Variants in TTC4 observed in about 807,000 individuals in gnomAD.
TTC4 encodes tetratricopeptide repeat domain 4, also known as hsp70/Hsp90 co-chaperone CNS1 homolog.
TTC4 carries 36 observed loss-of-function variants against 51.9 expected under a neutral mutation model. The observed-to-expected ratio is 0.69, with a 90% CI of 0.53 to 0.92. The LOEUF (loss-of-function observed/expected upper bound fraction) is 0.92. Ranked by LOEUF, TTC4 falls within the 40% of genes least tolerant of loss-of-function variation. The pLI, the probability that TTC4 is intolerant of heterozygous loss-of-function variation, is 0.00. For synonymous variants in TTC4, 144 were observed against 164.2 expected (o/e 0.88, Z 0.94); for missense variants, 399 against 454.6 (o/e 0.88, Z 1.11).
chr1:54,728,481 C>G (rs770766430), intron 6 of TTC4, 49 bp downstream of exon 6: 2 of 1,539,208 alleles, frequency 1.3e-6, no homozygotes, highest in South Asian at 2.3e-5. Flanking sequence ...ATCCACTAAT[C>G]CTGTGAAGCT....
chr1:54,741,294 T>C, intron 9 of TTC4, 117 bp from the exon 10 acceptor site: 1 of 877,246 alleles, frequency 1.1e-6, no homozygotes, highest in Non-Finnish European at 2.0e-6. Context: ...TGTGCTAAAC[T>C]TGCATTTTCA....
In TTC4 at chr1:54,722,817, A is replaced by G. The variant is rs368283617; in HGVS notation, c.594+18A>G. Reference sequence around the variant, plus strand: ...AGCTGAAGGTTGGTGACTGTCAGCAACCAATTAGCATTTGCTAATTAGCAG... The same window carrying G: ...AGCTGAAGGTTGGTGACTGTCAGCAGCCAATTAGCATTTGCTAATTAGCAG... On this transcript the variant is annotated intron_variant, in intron 5 of 9. Transcript: ENST00000371281. 1.2e-6 allele frequency: 2 copies of G among 1,610,614 alleles called. No individual in the cohort carries two copies. The highest frequency in any genetic ancestry group is 1.7e-6 in the Non-Finnish European group (2 of 1,179,140).
chr1:54,739,573 C>G (rs1166540132), intron 9 of TTC4, among the ~76,000 whole-genome samples: 3 of 152,342 alleles, frequency 2.0e-5, no homozygotes, highest in East Asian at 3.9e-4. Flanking sequence ...TTGGATTTGG[C>G]AGTTGTCTCA....
intron 3 of TTC4, among the ~76,000 whole-genome samples, chr1:54,719,740 GT>G (rs1003882890): frequency 2.6e-5 from 4 of 152,026 alleles, no homozygotes; most frequent in Non-Finnish European, 5.9e-5. Context: ...TATATAGACT[GT>G]TTTTTGGTTT....
intron 5 of TTC4, among the ~76,000 whole-genome samples, chr1:54,727,666 A>G (rs902295086): frequency 6.7e-6 from 1 of 150,220 alleles, no homozygotes; most frequent in African/African-American, 2.5e-5. Flanking sequence ...AACCTGGGCA[A>G]CAAAGTGAGA....
chr1:54,736,218 GAGAGAA>G (rs1645935867), intron 8 of TTC4, among the ~76,000 whole-genome samples: 3 of 133,768 alleles, frequency 2.2e-5, no homozygotes, highest in Admixed American at 7.3e-5. Flanking sequence ...GAGAGAGAGA[GAGAGAA>G]GAGGAGAGGA....
chr1:54,732,326 AAAAAAAAAAT>A (rs1020498627), intron 7 of TTC4, among the ~76,000 whole-genome samples: 7 of 143,750 alleles, frequency 4.9e-5, no homozygotes, highest in African/African-American at 1.8e-4. Flanking sequence ...GTCTCAAAAA[AAAAAAAAAAT>A]AAAAAAGAGA....
intron 8 of TTC4, 110 bp downstream of exon 8, chr1:54,733,820 A>AAT: frequency 1.5e-6 from 1 of 684,936 alleles, no homozygotes; most frequent in Non-Finnish European, 2.4e-6. Context: ...ATTATAGTAA[A>AAT]ATATACATGA....
At position 54,741,585 on chromosome 1, in the gene TTC4, A is replaced by ATT; in HGVS notation, c.*72_*73insTT. On this transcript the variant is annotated 3_prime_UTR_variant, in exon 10 of 10. Coordinates refer to ENST00000371281, the MANE Select transcript of TTC4 (RefSeq NM_004623.5). ...AACCTAGCACACCTGAATCAGCTGG[A>ATT]CATACTGCTGGAGTCCAGTGCTTTC... 1.6e-6 allele frequency: 2 copies of ATT among 1,269,208 alleles called. No individual in the cohort carries two copies. Among genetic ancestry groups the ATT allele is most frequent in the Non-Finnish European group, 2.3e-6 (2 of 869,312 alleles). 78.6% of individuals were successfully genotyped at this position (1,269,208 alleles called of 1,614,324 possible). A position where few individuals can be genotyped will look rare whatever the true frequency, so the allele number is the denominator to read the frequency against.
chr1:54,739,605 G>A (rs990440497), intron 9 of TTC4, among the ~76,000 whole-genome samples: 8 of 152,334 alleles, frequency 5.3e-5, no homozygotes, highest in African/African-American at 1.9e-4. Flanking sequence ...AGGTGTTCCT[G>A]GACTATAAGG....
chr1:54,733,452 T>C (rs540928297), intron 7 of TTC4, among the ~76,000 whole-genome samples, 177 bp from the exon 8 acceptor site: 9 of 151,794 alleles, frequency 5.9e-5, no homozygotes, highest in Non-Finnish European at 1.3e-4. Context: ...AAAATAAAAT[T>C]ATGTCATAAT....
At chr1:54,717,440 A>G (rs1645689616) in intron 2 of TTC4, 52 bp from the exon 3 acceptor site, 19 of 1,411,928 alleles carry the variant, frequency 1.3e-5, no homozygotes, top group Non-Finnish European at 1.8e-5. Flanking sequence ...TCTATTTTTA[A>G]TGAGCCTTTT....
intron 5 of TTC4, among the ~76,000 whole-genome samples, chr1:54,723,857 T>C (rs1202345384): frequency 6.6e-6 from 1 of 152,234 alleles, no homozygotes; most frequent in Non-Finnish European, 1.5e-5. Flanking sequence ...TTAGCTGTTA[T>C]GTGCCAGAAA....
At chr1:54,739,797 A>G (rs565275377) in intron 9 of TTC4, among the ~76,000 whole-genome samples, 1 of 152,356 alleles carries the variant, frequency 6.6e-6, no homozygotes, top group East Asian at 1.9e-4. Flanking sequence ...AGGGCCATAC[A>G]CGAAGGCCTG....
At position 54,717,499 on chromosome 1, in the gene TTC4, C is replaced by G. The variant is rs777956369; in HGVS notation, c.237C>G (p.Ala79=). The G allele has an allele frequency of 7.6e-6, 12 of 1,584,008 alleles. No homozygotes were observed. The highest frequency in any genetic ancestry group is 1.0e-5 in the Non-Finnish European group (12 of 1,168,778). The change falls in exon 3 of 10, where the codon GCC becomes GCG. Residue 79 remains alanine, a synonymous_variant. Transcript: ENST00000371281. ...FDEERSPEEQ[A]KTYKDEGNDY... is the part of the protein sequence containing the mutation. ...TTTTCCTCTTCTTTGCAGAACAGGC[C>G]AAGACCTATAAAGATGAGGGCAATG...
chr1:54,721,143 A>G lies in TTC4; in HGVS notation c.392-20A>G, dbSNP rs202098870. The G allele has an allele frequency of 1.2e-4, 200 of 1,612,160 alleles. No individual in the cohort carries two copies. In the African/African-American group the frequency reaches 2.3e-3, roughly 19 times the overall value. ...TTTGATCTCAAAACTTCTCTCTTTT[A>G]CTAAACGGTGTTTTGTTAGGCAATT... On this transcript the variant is annotated intron_variant, in intron 3 of 9. Transcript: ENST00000371281.
intron 9 of TTC4, among the ~76,000 whole-genome samples, chr1:54,739,332 A>C (rs1415845799): frequency 6.6e-6 from 1 of 152,190 alleles, no homozygotes; most frequent in Non-Finnish European, 1.5e-5. Context: ...CATATGAAGA[A>C]AGCATTGGCT....
At position 54,730,160 on chromosome 1, in the gene TTC4, C is replaced by T. The variant is rs772329292; in HGVS notation, c.682-1326C>T. The stretch of plus-strand genomic sequence containing the variant: ...AACAATCTGTTTACATGTATTAACA[C>T]GTTAAACAGATTAGAATACTCCAGA... On this transcript the variant is annotated intron_variant, in intron 6 of 9. Coordinates refer to ENST00000371281, the MANE Select transcript of TTC4 (RefSeq NM_004623.5). Among the ~76,000 whole-genome samples, 6 of 152,120 alleles carry T rather than the reference C, an allele frequency of 3.9e-5. No homozygotes were observed. The East Asian group carries it at 5.8e-4, about 15-fold the overall frequency.
At chr1:54,727,688 C>CAAAAAAAAAAA (rs200521894) in intron 5 of TTC4, among the ~76,000 whole-genome samples, 2 of 43,602 alleles carry the variant, frequency 4.6e-5, no homozygotes, top group Non-Finnish European at 6.5e-5. Context: ...CTCATCTCTA[C>CAAAAAAAAAAA]AAAAAAAAAA....
Sources: gnomAD v4.1 joint callset for allele counts (sites outside exome capture counted in the v4.1 genomes callset) on GRCh38, gnomAD v4.1.1 for gene constraint, MANE v1.5 for transcripts, NCBI Gene and HGNC (gene_info 2026-07-23, HGNC 2026-07-21) for gene names.